EFHC2: variants seen among roughly 807,000 people sequenced by gnomAD.
EFHC2 encodes the protein EF-hand domain-containing family member C2.
A neutral mutation model predicts 52.7 loss-of-function variants in EFHC2; 18 were observed. The ratio of observed to expected loss-of-function variants is 0.34; its 90% CI spans 0.24 to 0.51. The LOEUF (loss-of-function observed/expected upper bound fraction) is 0.51, where lower values mean the gene tolerates loss of function less well. EFHC2 is among the 20% of genes least tolerant of loss of function. The pLI is 0.97. For missense variants in EFHC2, 513 were observed against 562.5 expected (o/e 0.91, Z 0.89); for synonymous variants, 203 against 204.1 (o/e 0.99, Z 0.04).
chrX:44,163,462 T>C (rs1359620789), intron 14 of EFHC2, among the ~76,000 whole-genome samples: 1 of 111,785 alleles, frequency 8.9e-6, no homozygotes, highest in African/African-American at 3.3e-5. Flanking sequence ...GATTTTAAAT[T>C]TGGTTTCACT....
intron 2 of EFHC2, among the ~76,000 whole-genome samples, chrX:44,277,567 G>T (rs1569299236): frequency 9.0e-6 from 1 of 111,214 alleles, no homozygotes; most frequent in Non-Finnish European, 1.9e-5. Context: ...TAAATCAATG[G>T]TTTCTCTCAT....
intron 11 of EFHC2, among the ~76,000 whole-genome samples, chrX:44,201,354 A>G (rs768368316): frequency 8.9e-6 from 1 of 111,741 alleles, no homozygotes; most frequent in East Asian, 2.8e-4. Context: ...AAATAAACAC[A>G]GAAAAAGTAC....
intron 14 of EFHC2, among the ~76,000 whole-genome samples, chrX:44,158,036 C>A (rs187721081): frequency 9.0e-6 from 1 of 111,080 alleles, no homozygotes; most frequent in Non-Finnish European, 1.9e-5. Context: ...GTGGACCAGA[C>A]CACACCCCTA....
At chrX:44,264,905 A>G (rs1187820110) in intron 3 of EFHC2, among the ~76,000 whole-genome samples, 1 of 112,168 alleles carries the variant, frequency 8.9e-6, no homozygotes, top group African/African-American at 3.2e-5. Flanking sequence ...GTAGATAAAT[A>G]AAGATATTGT....
At chrX:44,269,431 C>T (rs769830920) in intron 3 of EFHC2, among the ~76,000 whole-genome samples, 26 of 110,552 alleles carry the variant, frequency 2.4e-4, no homozygotes, top group Non-Finnish European at 4.5e-4. Context: ...GAAATGTGAT[C>T]CCCAGTGTTG....
In EFHC2 at chrX:44,282,735, A is replaced by G. The variant is rs758125724; in HGVS notation, c.232-9899T>C. The stretch of plus-strand genomic sequence containing the variant: ...AAAATTGTTATATACCACAGTCATA[A>G]CTATGTTTTTTAAAACTATGTTTTT... On this transcript the variant is annotated intron_variant, in intron 2 of 14. Transcript: ENST00000420999. 3.1e-4 allele frequency among the ~76,000 whole-genome samples: 30 copies of G among 95,239 alleles called. No individual in the cohort carries two copies. The East Asian group carries it at 0.011, about 35-fold the overall frequency. The allele number at this position is 95,239 out of a possible 115,157, so 82.7% of individuals were successfully genotyped here.
chrX:44,209,132 T>A (rs1377722739), intron 11 of EFHC2, among the ~76,000 whole-genome samples: 1 of 107,182 alleles, frequency 9.3e-6, no homozygotes, highest in Non-Finnish European at 1.9e-5. Flanking sequence ...AAGACCCAAA[T>A]GTGGAAGGCA....
At chrX:44,205,643 A>G (rs776531710) in intron 11 of EFHC2, among the ~76,000 whole-genome samples, 2 of 111,800 alleles carry the variant, frequency 1.8e-5, no homozygotes, top group Non-Finnish European at 3.8e-5. Context: ...AGGGCACTAT[A>G]TAATGATGAG....
chrX:44,266,725 A>G (rs1356301177), intron 3 of EFHC2, among the ~76,000 whole-genome samples: 1 of 111,099 alleles, frequency 9.0e-6, no homozygotes, highest in Non-Finnish European at 1.9e-5. Flanking sequence ...AATATAACTG[A>G]GTATCTTATA....
intron 4 of EFHC2, among the ~76,000 whole-genome samples, chrX:44,252,627 G>A (rs1198825157): frequency 8.9e-6 from 1 of 112,081 alleles, no homozygotes; most frequent in Non-Finnish European, 1.9e-5. Context: ...AAACACTGCA[G>A]AAGTAAATGT....
At chrX:44,291,587 A>G (rs778744233) in intron 2 of EFHC2, among the ~76,000 whole-genome samples, 1 of 112,177 alleles carries the variant, frequency 8.9e-6, no homozygotes, top group Non-Finnish European at 1.9e-5. Context: ...ATGGAAAGGG[A>G]AGTGGCTAGA....
chrX:44,178,632 A>T, intron 11 of EFHC2, 68 bp from the exon 12 acceptor site: 1 of 902,159 alleles, frequency 1.1e-6, no homozygotes, highest in Non-Finnish European at 1.5e-6. Context: ...ATCTCCTTCT[A>T]TTTAAAAGAT....
intron 4 of EFHC2, among the ~76,000 whole-genome samples, chrX:44,250,838 A>G (rs999678081): frequency 1.8e-5 from 2 of 108,908 alleles, no homozygotes; most frequent in East Asian, 2.9e-4. Flanking sequence ...AAAAAAAAAA[A>G]AAAAGAAAAG....
intron 4 of EFHC2, among the ~76,000 whole-genome samples, chrX:44,258,197 G>A (rs375169156): frequency 3.6e-5 from 4 of 111,468 alleles, no homozygotes; most frequent in Admixed American, 9.5e-5. Context: ...GAAAACCTAG[G>A]CAATACCATT....
chrX:44,327,742 T>C (rs764860363), intron 1 of EFHC2, among the ~76,000 whole-genome samples: 1 of 111,741 alleles, frequency 8.9e-6, no homozygotes, highest in South Asian at 3.7e-4. Context: ...AAAGCCATCA[T>C]TACTTATTAA....
chrX:44,169,556 G>A (rs1054015573), intron 13 of EFHC2, among the ~76,000 whole-genome samples: 1 of 111,308 alleles, frequency 9.0e-6, no homozygotes. Context: ...GATTACAGGT[G>A]TGAGCCACCA....
At chrX:44,202,367 G>A (rs774102591) in intron 11 of EFHC2, among the ~76,000 whole-genome samples, 1 of 111,218 alleles carries the variant, frequency 9.0e-6, no homozygotes, top group African/African-American at 3.3e-5. Flanking sequence ...AGCGGAGATC[G>A]CTCCATTGCA....
chrX:44,182,146 T>C (rs191935584), intron 11 of EFHC2, among the ~76,000 whole-genome samples: 1 of 111,909 alleles, frequency 8.9e-6, no homozygotes, highest in Non-Finnish European at 1.9e-5. Flanking sequence ...TGCCAGCTTC[T>C]GGATATTTTA....
chrX:44,283,726 G>A (rs1397967675), intron 2 of EFHC2, among the ~76,000 whole-genome samples: 1 of 94,599 alleles, frequency 1.1e-5, no homozygotes, highest in Non-Finnish European at 2.0e-5. Flanking sequence ...CGCAAAATCA[G>A]ACCATTTGGG....
Sources: gnomAD v4.1 joint callset for allele counts (sites outside exome capture counted in the v4.1 genomes callset) on GRCh38, gnomAD v4.1.1 for gene constraint, MANE v1.5 for transcripts, NCBI Gene and HGNC (gene_info 2026-07-23, HGNC 2026-07-21) for gene names.